LRBA: variants seen among roughly 807,000 people sequenced by gnomAD.
LRBA encodes the protein LPS responsive beige-like anchor protein, also known as lipopolysaccharide-responsive and beige-like anchor protein.
In LRBA, 176 loss-of-function variants were observed where a neutral mutation model predicts 330.0. That is an observed-to-expected ratio of 0.53 (90% CI 0.47 to 0.60). The LOEUF is 0.60. LRBA is among the 20% of genes least tolerant of loss of function. The probability of loss-of-function intolerance (pLI) is 0.00; values close to 1 mark genes in which losing one functional copy is unlikely to be tolerated. For synonymous variants in LRBA, 1,230 were observed against 1,193.0 expected (o/e 1.03, Z -0.64); for missense variants, 3,259 against 3,444.8 (o/e 0.95, Z 1.35).
intron 2 of LRBA, among the ~76,000 whole-genome samples, chr4:150,986,871 G>C (rs1030729610): frequency 2.0e-5 from 3 of 152,180 alleles, no homozygotes; most frequent in African/African-American, 7.2e-5. Flanking sequence ...AATGATACTC[G>C]TGCGATAGGT....
At chr4:150,675,515 G>A (rs1001130698) in intron 37 of LRBA, among the ~76,000 whole-genome samples, 4 of 151,820 alleles carry the variant, frequency 2.6e-5, no homozygotes, top group African/African-American at 7.3e-5. Flanking sequence ...TCAGGAGTTC[G>A]AGACCAGCCT....
At chr4:150,826,446 G>T (rs1746294894) in intron 30 of LRBA, among the ~76,000 whole-genome samples, 1 of 152,094 alleles carries the variant, frequency 6.6e-6, no homozygotes, top group African/African-American at 2.4e-5. Context: ...GATCATGACT[G>T]CCCTTATCTA....
chr4:150,578,600 C>A (rs934364379), intron 40 of LRBA, among the ~76,000 whole-genome samples: 2 of 152,026 alleles, frequency 1.3e-5, no homozygotes, highest in Admixed American at 1.3e-4. Flanking sequence ...AAACTAGTAC[C>A]GTAATTACTA....
chr4:150,647,980 G>A (rs751556823), intron 37 of LRBA, among the ~76,000 whole-genome samples: 1 of 151,336 alleles, frequency 6.6e-6, no homozygotes. Context: ...CAATTATCCA[G>A]TGAGTAACTT....
At chr4:150,356,306 G>T (rs549250051) in intron 47 of LRBA, among the ~76,000 whole-genome samples, 2 of 152,080 alleles carry the variant, frequency 1.3e-5, no homozygotes, top group African/African-American at 4.8e-5. Context: ...CCACTTTGCG[G>T]AAAGCTATTC....
At chr4:150,929,756 C>G (rs1031145448) in intron 2 of LRBA, among the ~76,000 whole-genome samples, 7 of 152,002 alleles carry the variant, frequency 4.6e-5, no homozygotes, top group African/African-American at 1.7e-4. Context: ...AATTAAAATA[C>G]TTTTAGAATT....
At chr4:150,951,032 T>C (rs1736779243) in intron 2 of LRBA, among the ~76,000 whole-genome samples, 1 of 152,204 alleles carries the variant, frequency 6.6e-6, no homozygotes, top group Non-Finnish European at 1.5e-5. Flanking sequence ...GCAGATATGT[T>C]CCCTGCCATG....
In LRBA at chr4:150,929,077, A is replaced by G. The variant is rs777602162; in HGVS notation, c.217-12T>C. The G allele has an allele frequency of 3.8e-6, 6 of 1,561,738 alleles. No homozygotes were observed. The highest frequency in any genetic ancestry group is 4.4e-6 in the Non-Finnish European group (5 of 1,140,608). ...TGTCCTCCTACCAACTTACAAGGAAAAAAAAAAAACACATTAAAAGCATTA... is the reference window on the plus strand; with the variant it reads ...TGTCCTCCTACCAACTTACAAGGAAGAAAAAAAAACACATTAAAAGCATTA... On this transcript the variant is annotated splice_polypyrimidine_tract_variant and intron_variant, in intron 2 of 56. Transcript: ENST00000651943.
At chr4:150,656,457 C>T (rs1057371410) in intron 37 of LRBA, among the ~76,000 whole-genome samples, 7 of 152,014 alleles carry the variant, frequency 4.6e-5, no homozygotes, top group African/African-American at 1.7e-4. Context: ...TTAGATAAAA[C>T]CAGTCTTCAA....
intron 56 of LRBA, among the ~76,000 whole-genome samples, chr4:150,273,608 A>G (rs556991670): frequency 1.2e-4 from 18 of 152,110 alleles, no homozygotes; most frequent in African/African-American, 3.4e-4. Flanking sequence ...AAATAAAGGG[A>G]TGGAGGAAGA....
chr4:150,727,383 C>A (rs1729847723), intron 36 of LRBA, among the ~76,000 whole-genome samples: 1 of 152,042 alleles, frequency 6.6e-6, no homozygotes, highest in African/African-American at 2.4e-5. Context: ...CAGATATTTA[C>A]AGAACATTGC....
intron 40 of LRBA, among the ~76,000 whole-genome samples, chr4:150,530,025 T>C (rs960884402): frequency 2.0e-5 from 3 of 152,226 alleles, no homozygotes; most frequent in African/African-American, 7.2e-5. Flanking sequence ...TTGACTATTT[T>C]GGCAGGAATT....
At chr4:150,492,296 A>G (rs1345491972) in intron 40 of LRBA, among the ~76,000 whole-genome samples, 1 of 152,102 alleles carries the variant, frequency 6.6e-6, no homozygotes, top group African/African-American at 2.4e-5. Context: ...GTATAACTCT[A>G]AGGGAGAGTG....
At position 150,781,404 on chromosome 4, in the gene LRBA, G is replaced by A. The variant is rs142965036; in HGVS notation, c.5580+16677C>T. Among the ~76,000 whole-genome samples, 538 of 152,342 alleles carry A rather than the reference G, an allele frequency of 3.5e-3. 7 individuals carry two copies. Among genetic ancestry groups the A allele is most frequent in the African/African-American group, 0.012 (510 of 41,574 alleles). Reference sequence around the variant, plus strand: ...TTCACAACAGGGTTCATGCTCTGATGAGATTCTAATGCCGCTGCTGATCTG... The same window carrying A: ...TTCACAACAGGGTTCATGCTCTGATAAGATTCTAATGCCGCTGCTGATCTG... On this transcript the variant is annotated intron_variant, in intron 34 of 56. Coordinates refer to ENST00000651943, the MANE Select transcript of LRBA (RefSeq NM_001364905.1).
chr4:150,490,717 G>A (rs569335446), intron 41 of LRBA, among the ~76,000 whole-genome samples: 14 of 151,750 alleles, frequency 9.2e-5, no homozygotes, highest in Admixed American at 8.5e-4. Context: ...GCAAAAAAAA[G>A]AAAAGAATTA....
chr4:150,839,615 T>A (rs562465134), intron 28 of LRBA, among the ~76,000 whole-genome samples: 1 of 152,314 alleles, frequency 6.6e-6, no homozygotes, highest in East Asian at 1.9e-4. Flanking sequence ...GAAACCATCA[T>A]TCTCAGCAAA....
At chr4:150,276,965 A>C (rs544485289) in intron 56 of LRBA, among the ~76,000 whole-genome samples, 1 of 152,224 alleles carries the variant, frequency 6.6e-6, no homozygotes, top group Non-Finnish European at 1.5e-5. Context: ...GTATAAAGAC[A>C]CATGCACATC....
At chr4:150,898,208 T>C (rs1036404050) in intron 14 of LRBA, among the ~76,000 whole-genome samples, 1 of 152,102 alleles carries the variant, frequency 6.6e-6, no homozygotes, top group African/African-American at 2.4e-5. Context: ...ATCTAAACTT[T>C]CAACATTATT....
At chr4:150,663,736 T>C (rs147055883) in intron 37 of LRBA, among the ~76,000 whole-genome samples, 1,523 of 152,234 alleles carry the variant, frequency 0.01, 11 homozygotes, top group Non-Finnish European at 0.017. Context: ...CTTTATAGTA[T>C]ACTGGGAAAA....
Sources: allele counts gnomAD v4.1 joint callset (sites outside exome capture counted in the v4.1 genomes callset), GRCh38; gene constraint gnomAD v4.1.1; transcripts MANE v1.5; gene names NCBI Gene and HGNC (gene_info 2026-07-23, HGNC 2026-07-21).